The following RAPGEF4 variants were observed in gnomAD, a reference collection of about 807,000 sequenced individuals.
The protein encoded by RAPGEF4 is RAP guanine-nucleotide-exchange factor (GEF) 4.
A neutral mutation model predicts 147.9 loss-of-function variants in RAPGEF4; 66 were observed. The observed-to-expected ratio is 0.45, with a 90% confidence interval of 0.37 to 0.55. The LOEUF is 0.55. Ranked by LOEUF, RAPGEF4 falls within the 20% of genes least tolerant of loss-of-function variation. RAPGEF4 has a pLI of 0.00. For missense variants in RAPGEF4, 1,071 were observed against 1,257.3 expected (o/e 0.85, Z 2.24); for synonymous variants, 419 against 442.7 (o/e 0.95, Z 0.67).
intron 4 of RAPGEF4, among the ~76,000 whole-genome samples, chr2:172,827,432 C>T (rs547224296): frequency 1.3e-5 from 2 of 152,262 alleles, no homozygotes; most frequent in South Asian, 4.2e-4. Context: ...CTCTGCCTCT[C>T]CTTGTCCTAG....
intron 4 of RAPGEF4, among the ~76,000 whole-genome samples, chr2:172,882,067 G>A (rs547787652): frequency 6.6e-6 from 1 of 152,138 alleles, no homozygotes; most frequent in African/African-American, 2.4e-5. Flanking sequence ...GTTAACAGGG[G>A]ACTGTTGATA....
At chr2:173,023,106 A>G (rs3769223) in intron 23 of RAPGEF4, among the ~76,000 whole-genome samples, 133,960 of 152,194 alleles carry the variant, frequency 0.88, 59,756 homozygotes, top group Non-Finnish European at 0.95. Flanking sequence ...AGCAAGGGCC[A>G]TAGCAGAGCT....
chr2:173,030,299 A>G (rs771677318), intron 26 of RAPGEF4, 45 bp downstream of exon 26: 1 of 1,439,090 alleles, frequency 6.9e-7, no homozygotes, highest in Non-Finnish European at 9.8e-7. Flanking sequence ...CCTTAGGAAT[A>G]AAAACACAGG....
intron 8 of RAPGEF4, among the ~76,000 whole-genome samples, chr2:172,962,914 A>C (rs914342228): frequency 6.6e-6 from 1 of 152,176 alleles, no homozygotes; most frequent in African/African-American, 2.4e-5. Flanking sequence ...TCACACTGCT[A>C]TAAAGAACTA....
intron 1 of RAPGEF4, among the ~76,000 whole-genome samples, chr2:172,758,246 G>T (rs1406469080): frequency 6.6e-6 from 1 of 152,152 alleles, no homozygotes; most frequent in Non-Finnish European, 1.5e-5. Context: ...TTGAGGGATG[G>T]TAAGGATGTT....
chr2:172,758,497 G>T (rs1351435531), intron 1 of RAPGEF4, among the ~76,000 whole-genome samples: 1 of 152,204 alleles, frequency 6.6e-6, no homozygotes, highest in Non-Finnish European at 1.5e-5. Context: ...TGGAAGAAGG[G>T]AGAGCTATAA....
At chr2:172,949,048 G>GA (rs1357811577) in intron 6 of RAPGEF4, among the ~76,000 whole-genome samples, 1 of 152,096 alleles carries the variant, frequency 6.6e-6, no homozygotes, top group African/African-American at 2.4e-5. Flanking sequence ...TCCTAGGCAG[G>GA]AAAAAGCAAA....
chr2:172,793,190 G>T (rs1686001102), intron 1 of RAPGEF4, among the ~76,000 whole-genome samples: 1 of 152,106 alleles, frequency 6.6e-6, no homozygotes, highest in Non-Finnish European at 1.5e-5. Context: ...GTGTCTCTCT[G>T]TCCAAATTCC....
At chr2:172,810,355 C>T (rs1261493182) in intron 3 of RAPGEF4, among the ~76,000 whole-genome samples, 1 of 152,228 alleles carries the variant, frequency 6.6e-6, no homozygotes, top group Non-Finnish European at 1.5e-5. Flanking sequence ...AATACATTAT[C>T]TCATTCACCT....
intron 4 of RAPGEF4, among the ~76,000 whole-genome samples, chr2:172,827,168 C>T (rs1689761639): frequency 1.3e-5 from 2 of 152,040 alleles, no homozygotes; most frequent in African/African-American, 4.8e-5. Flanking sequence ...TAAAAGCCTT[C>T]GGTGAATTCC....
At chr2:172,771,906 C>T (rs1181429948) in intron 1 of RAPGEF4, among the ~76,000 whole-genome samples, 1 of 152,132 alleles carries the variant, frequency 6.6e-6, no homozygotes, top group African/African-American at 2.4e-5. Flanking sequence ...ATGTCTGTTG[C>T]TCAAGGAAAA....
In RAPGEF4 at chr2:172,876,504, A is replaced by G. The variant is rs769888505; in HGVS notation, c.445-41298A>G. 2.0e-5 allele frequency among the ~76,000 whole-genome samples: 3 copies of G among 152,200 alleles called. No homozygotes were observed. The South Asian group carries it at 6.2e-4, about 32-fold the overall frequency. ...AGGCCTTTTCTGCATCTATTGAGAT[A>G]ATCATGTGGTTTTTGTCTTTGGTTC... On this transcript the variant is annotated intron_variant, in intron 4 of 30. Transcript: ENST00000397081.
chr2:172,844,553 C>T (rs1424251546), intron 4 of RAPGEF4, among the ~76,000 whole-genome samples: 2 of 152,134 alleles, frequency 1.3e-5, no homozygotes, highest in Non-Finnish European at 2.9e-5. Context: ...GATTCAATTA[C>T]TTTTATTGTT....
At chr2:172,739,844 A>G (rs1371160684) in intron 1 of RAPGEF4, among the ~76,000 whole-genome samples, 2 of 152,202 alleles carry the variant, frequency 1.3e-5, no homozygotes, top group Non-Finnish European at 2.9e-5. Context: ...ATTCATCATG[A>G]TGGGACAGGC....
At chr2:172,873,275 A>G (rs1163646695) in intron 4 of RAPGEF4, among the ~76,000 whole-genome samples, 2 of 152,176 alleles carry the variant, frequency 1.3e-5, no homozygotes, top group African/African-American at 2.4e-5. Context: ...AAATGTTCTC[A>G]TGTTTCTCAG....
intron 4 of RAPGEF4, among the ~76,000 whole-genome samples, chr2:172,912,649 T>C (rs879490673): frequency 1.3e-5 from 2 of 152,248 alleles, no homozygotes; most frequent in Non-Finnish European, 2.9e-5. Context: ...CTCTAAATTC[T>C]GAATACAAAC....
chr2:172,808,086 A>G (rs1437333261), intron 3 of RAPGEF4, among the ~76,000 whole-genome samples: 1 of 152,244 alleles, frequency 6.6e-6, no homozygotes, highest in Non-Finnish European at 1.5e-5. Flanking sequence ...ATGCTTATAG[A>G]CATTATTTAT....
chr2:172,859,155 C>A lies in RAPGEF4; in HGVS notation c.444+44730C>A, dbSNP rs897174259. Reference sequence around the variant, plus strand: ...TGAAAATGATCATGTATTCCCTTAACAAAATACACAAAAATAGAGATGAAA... The same window carrying A: ...TGAAAATGATCATGTATTCCCTTAAAAAAATACACAAAAATAGAGATGAAA... On this transcript the variant is annotated intron_variant, in intron 4 of 30. Transcript: ENST00000397081. 2.0e-5 allele frequency among the ~76,000 whole-genome samples: 3 copies of A among 152,222 alleles called. No individual in the cohort carries two copies. In the South Asian group the frequency reaches 6.2e-4, roughly 32 times the overall value.
chr2:172,977,404 C>T (rs1024120008), intron 10 of RAPGEF4, among the ~76,000 whole-genome samples: 1 of 151,982 alleles, frequency 6.6e-6, no homozygotes, highest in African/African-American at 2.4e-5. Context: ...GGGGAACGCT[C>T]AGTTTTAGAT....
Sources: allele counts gnomAD v4.1 joint callset (sites outside exome capture counted in the v4.1 genomes callset), GRCh38; gene constraint gnomAD v4.1.1; transcripts MANE v1.5; gene names NCBI Gene and HGNC (gene_info 2026-07-23, HGNC 2026-07-21).